The following SLC19A3 variants were observed in gnomAD, a reference collection of about 807,000 sequenced individuals.
SLC19A3 encodes the protein thiamine transporter 2.
A neutral mutation model predicts 40.2 loss-of-function variants in SLC19A3; 31 were observed. The observed-to-expected ratio is 0.77, with a 90% confidence interval of 0.58 to 1.04. The LOEUF (loss-of-function observed/expected upper bound fraction) is 1.04. Among genes scored for constraint, SLC19A3 ranks in the 50% least tolerant of loss-of-function variants. The pLI, the probability that SLC19A3 is intolerant of heterozygous loss-of-function variation, is 0.00. For synonymous variants in SLC19A3, 212 were observed against 227.5 expected, an observed-to-expected ratio of 0.93 and a Z score of 0.61; for missense variants, 592 against 596.7, an observed-to-expected ratio of 0.99 and a Z score of 0.08.
chr2:227,696,808 G>A (rs1276252285), intron 3 of SLC19A3, among the ~76,000 whole-genome samples: 2 of 152,296 alleles, frequency 1.3e-5, no homozygotes, highest in East Asian at 1.9e-4. Context: ...GCGCACTCCT[G>A]TAATCCCAGC....
rs1464287492 is a variant in SLC19A3, at chr2:227,699,463, G to C, written c.252C>G (p.Ile84Met). Reference protein sequence around the residue: ...TDYVRYKPVIILQGISFIITW... With the variant: ...TDYVRYKPVIMLQGISFIITW... The stretch of plus-strand genomic sequence containing the variant: ...TAATGATGAAACTGATACCTTGCAA[G>C]ATGATGACTGGCTTGTAGCGGACAT... The change falls in exon 3 of 6, where the codon ATC (isoleucine) becomes ATG (methionine). Residue 84 changes from isoleucine to methionine, a missense_variant. Ile to Met is a conservative substitution (Grantham distance 10, BLOSUM62 1). Transcript: ENST00000644224. The C allele has an allele frequency of 6.2e-7, 1 of 1,614,220 alleles. No homozygotes were observed. The highest frequency in any genetic ancestry group is 2.2e-5 in the East Asian group (1 of 44,888).
chr2:227,687,301 A>C lies in SLC19A3; in HGVS notation c.*96T>G. 7.8e-7 allele frequency: 1 copy of C among 1,288,058 alleles called. No individual in the cohort carries two copies. Among genetic ancestry groups the C allele is most frequent in the Non-Finnish European group, 1.1e-6 (1 of 926,222 alleles). 79.8% of individuals were successfully genotyped at this position (1,288,058 alleles called of 1,614,324 possible). A position where few individuals can be genotyped will look rare whatever the true frequency, so the allele number is the denominator to read the frequency against. On this transcript the variant is annotated 3_prime_UTR_variant, in exon 6 of 6. Coordinates refer to ENST00000644224, the MANE Select transcript of SLC19A3 (RefSeq NM_025243.4). Reference sequence around the variant, plus strand: ...CCATTGGAATCCAGATTTGCAAAGCATGTCAAGTTATGGCAAAACATATGC... The same window carrying C: ...CCATTGGAATCCAGATTTGCAAAGCCTGTCAAGTTATGGCAAAACATATGC...
chr2:227,701,127 G>C (rs1289750504), intron 2 of SLC19A3: 50 of 1,272,512 alleles, frequency 3.9e-5, no homozygotes, highest in Non-Finnish European at 4.8e-5. Flanking sequence ...CTCGGAAACA[G>C]GGTTGTCCCT....
intron 2 of SLC19A3, chr2:227,701,162 G>A (rs1285170958): frequency 2.5e-6 from 3 of 1,197,440 alleles, no homozygotes; most frequent in South Asian, 1.5e-5. Context: ...TACAGAAGAA[G>A]CTTGCCTTTC....
At chr2:227,689,005 C>T (rs947496786) in intron 4 of SLC19A3, among the ~76,000 whole-genome samples, 3 of 152,040 alleles carry the variant, frequency 2.0e-5, no homozygotes, top group African/African-American at 7.2e-5. Flanking sequence ...ATCAGAATCT[C>T]ATACCAGCAG....
At chr2:227,717,833 G>T in intron 1 of SLC19A3, 110 bp downstream of exon 1, 2 of 877,872 alleles carry the variant, frequency 2.3e-6, no homozygotes, top group Non-Finnish European at 2.7e-6. Context: ...GGCCCGCAGA[G>T]CCAGGAACCC....
Position 227,687,268 on chromosome 2 carries a change from T to C in SLC19A3, c.*129A>G, listed in dbSNP as rs1695050527. ...TAAAACTGAGGTTTTGTTGTGGTTT[T>C]GAAAGGTCCATTGGAATCCAGATTT... On this transcript the variant is annotated 3_prime_UTR_variant, in exon 6 of 6. Coordinates refer to ENST00000644224, the MANE Select transcript of SLC19A3 (RefSeq NM_025243.4). 2.1e-6 allele frequency: 2 copies of C among 958,570 alleles called. No individual in the cohort carries two copies. The highest frequency in any genetic ancestry group is 1.6e-5 in the African/African-American group (1 of 61,054). 59.4% of individuals were successfully genotyped at this position (958,570 alleles called of 1,614,324 possible).
Position 227,699,268 on chromosome 2 carries a change from G to A in SLC19A3, c.447C>T (p.Ala149=), listed in dbSNP as rs1574559863. The A allele has an allele frequency of 1.9e-6, 3 of 1,614,044 alleles. No homozygotes were observed. The highest frequency in any genetic ancestry group is 2.2e-5 in the East Asian group (1 of 44,872). Residue 149 remains alanine (A), a synonymous_variant, in exon 3 of 6, where the codon GCC becomes GCT. Transcript: ENST00000644224. The stretch of plus-strand genomic sequence containing the variant: ...CCAGCACCGACCCTGCTGTGTAGGC[G>A]GCCAGCGTGACGCTCCTGCAGTAGC... ...VSGYCRSVTL[A]AYTAGSVLAQ...
chr2:227,708,632 G>T (rs1696036443), intron 1 of SLC19A3, among the ~76,000 whole-genome samples: 1 of 152,090 alleles, frequency 6.6e-6, no homozygotes, highest in South Asian at 2.1e-4. Flanking sequence ...CTGGCTGCAG[G>T]CTAACCTTCT....
At chr2:227,696,671 T>G (rs951050438) in intron 3 of SLC19A3, among the ~76,000 whole-genome samples, 1 of 152,186 alleles carries the variant, frequency 6.6e-6, no homozygotes, top group Admixed American at 6.5e-5. Flanking sequence ...TTGAGAAGCT[T>G]TGGGTGAAAA....
At chr2:227,699,723 C>T (rs1301896234) in intron 2 of SLC19A3, among the ~76,000 whole-genome samples, 159 bp from the exon 3 acceptor site, 2 of 152,142 alleles carry the variant, frequency 1.3e-5, no homozygotes, top group Non-Finnish European at 2.9e-5. Flanking sequence ...AAAAGATAGT[C>T]TCCTTTCCCA....
Position 227,696,189 on chromosome 2 carries a change from T to C in SLC19A3, c.980-108A>G, listed in dbSNP as rs1421825744. On this transcript the variant is annotated intron_variant, in intron 3 of 5. Transcript: ENST00000644224. ...CTCGGGTAATTCTGAAAGATAAATATATTGCTTTCACAAAATTGTGTGATC... is the reference window on the plus strand; with the variant it reads ...CTCGGGTAATTCTGAAAGATAAATACATTGCTTTCACAAAATTGTGTGATC... 9 of 1,036,762 alleles carry C rather than the reference T, an allele frequency of 8.7e-6. No individual in the cohort carries two copies. The East Asian group carries it at 2.3e-4, about 26-fold the overall frequency. The allele number at this position is 1,036,762 out of a possible 1,614,324, so 64.2% of individuals were successfully genotyped here.
chr2:227,697,546 T>C (rs922808879), intron 3 of SLC19A3, among the ~76,000 whole-genome samples: 7 of 152,336 alleles, frequency 4.6e-5, no homozygotes, highest in African/African-American at 1.4e-4. Context: ...AGAATTGTTA[T>C]AGGTGCATGC....
chr2:227,706,277 G>T (rs1695939361), intron 1 of SLC19A3: 1 of 1,229,268 alleles, frequency 8.1e-7, no homozygotes, highest in Non-Finnish European at 1.0e-6. Flanking sequence ...TGCTTCTAAG[G>T]TGAGGACATG....
chr2:227,693,737 G>A (rs924357272), intron 4 of SLC19A3, among the ~76,000 whole-genome samples: 9 of 152,174 alleles, frequency 5.9e-5, no homozygotes, highest in Non-Finnish European at 1.0e-4. Flanking sequence ...ATGGACAAAC[G>A]GGATCACATC....
chr2:227,713,402 A>C (rs1346883636), intron 1 of SLC19A3, among the ~76,000 whole-genome samples: 1 of 2,070 alleles, frequency 4.8e-4, no homozygotes, highest in Non-Finnish European at 5.7e-3. Context: ...ACCCTGTTGT[A>C]AAAAAAAAAA....
Position 227,699,128 on chromosome 2 carries a change from CT to C in SLC19A3, c.586del (p.Ser196AlafsTer12). The C allele has an allele frequency of 6.2e-7, 1 of 1,614,174 alleles. No individual in the cohort carries two copies. ...FSLFLPMPKK[S>X]MFFHAKPSRE... ...GCTGGGTTTTGCATGAAAAAACATG[CT>C]TTTCTTGGGCATTGGTAGGAAAAGT... On this transcript the variant is annotated frameshift_variant, in exon 3 of 6. Transcript: ENST00000644224. LOFTEE classifies it high-confidence loss of function.
chr2:227,710,634 A>T (rs1696104633), intron 1 of SLC19A3, among the ~76,000 whole-genome samples: 1 of 152,162 alleles, frequency 6.6e-6, no homozygotes, highest in Non-Finnish European at 1.5e-5. Context: ...ACAGAGCATG[A>T]TCTTCAGCTC....
chr2:227,712,744 G>C (rs1696183853), intron 1 of SLC19A3, among the ~76,000 whole-genome samples: 3 of 152,122 alleles, frequency 2.0e-5, no homozygotes, highest in Non-Finnish European at 4.4e-5. Context: ...GCAATAAAAA[G>C]GAGTGAACTA....
Sources: gnomAD v4.1 joint callset for allele counts (sites outside exome capture counted in the v4.1 genomes callset) on GRCh38, gnomAD v4.1.1 for gene constraint, MANE v1.5 for transcripts, NCBI Gene and HGNC (gene_info 2026-07-23, HGNC 2026-07-21) for gene names.